The following CDH4 variants were observed in gnomAD, a reference collection of about 807,000 sequenced individuals.
The protein encoded by CDH4 is cadherin-4.
A neutral mutation model predicts 86.0 loss-of-function variants in CDH4; 33 were observed. The observed-to-expected ratio is 0.38, with a 90% confidence interval of 0.29 to 0.51. CDH4 has a LOEUF of 0.51. CDH4 is among the 20% of genes least tolerant of loss of function. The pLI is 0.86. For synonymous variants in CDH4, 555 were observed against 549.4 expected (o/e 1.01, Z -0.14); for missense variants, 1,114 against 1,307.4 (o/e 0.85, Z 2.28).
chr20:61,872,923 A>G (rs1033328490), intron 6 of CDH4, among the ~76,000 whole-genome samples: 2 of 152,142 alleles, frequency 1.3e-5, no homozygotes, highest in Non-Finnish European at 2.9e-5. Context: ...AGACCTGGAG[A>G]TGTCCTGAGG....
intron 14 of CDH4, among the ~76,000 whole-genome samples, chr20:61,933,341 G>A (rs187812319): frequency 2.2e-3 from 337 of 152,284 alleles, no homozygotes; most frequent in African/African-American, 6.7e-3. Flanking sequence ...TCCCATCCTC[G>A]CCTTCTTCCC....
At chr20:61,923,021 T>C (rs2122971066) in intron 9 of CDH4, among the ~76,000 whole-genome samples, 1 of 152,370 alleles carries the variant, frequency 6.6e-6, no homozygotes, top group Non-Finnish European at 1.5e-5. Context: ...ACATGTCTTT[T>C]GGGGGCCACC....
At chr20:61,808,854 C>A (rs367577159) in intron 4 of CDH4, among the ~76,000 whole-genome samples, 21 of 151,224 alleles carry the variant, frequency 1.4e-4, no homozygotes, top group Non-Finnish European at 2.5e-4. Flanking sequence ...TTTAAATCAA[C>A]TTCTTTTTTA....
chr20:61,354,635 G>A (rs1432098925), intron 2 of CDH4, among the ~76,000 whole-genome samples: 1 of 152,246 alleles, frequency 6.6e-6, no homozygotes, highest in Non-Finnish European at 1.5e-5. Context: ...GCACCTGCTG[G>A]GTTCCCTGTA....
rs1980425107 is a variant in CDH4 at position 61,811,339 on chromosome 20, A to G, written c.577-33329A>G. On this transcript the variant is annotated intron_variant, in intron 4 of 15. Transcript: ENST00000614565. The surrounding 1 kb of genome is among the most constrained non-coding windows in gnomAD (Gnocchi z 4.4). ...CGCCCTCATCGGGGGTGGGAATGAA[A>G]TGCCCCTTCCCGGCTTACACAGACA... 6.6e-6 allele frequency among the ~76,000 whole-genome samples: 1 copy of G among 152,212 alleles called. No homozygotes were observed. The highest frequency in any genetic ancestry group is 1.5e-5 in the Non-Finnish European group (1 of 68,046).
intron 3 of CDH4, 146 bp from the exon 4 acceptor site, chr20:61,772,857 G>C: frequency 1.9e-6 from 1 of 523,702 alleles, no homozygotes. Context: ...GCGTTATCCC[G>C]CCCTTCCCGC....
chr20:61,884,833 G>T lies in CDH4; in HGVS notation c.1051-10077G>T, dbSNP rs894355919. Among the ~76,000 whole-genome samples, 6 of 152,180 alleles carry T rather than the reference G, an allele frequency of 3.9e-5. No homozygotes were observed. The South Asian group carries it at 6.2e-4, about 16-fold the overall frequency. ...TGGAGGAAGGAGAGAGCCCTGGGGT[G>T]GGGGCGGGGAAGGCTTCCTGGAGAG... On this transcript the variant is annotated intron_variant, in intron 7 of 15. Coordinates refer to ENST00000614565, the MANE Select transcript of CDH4 (RefSeq NM_001794.5).
intron 2 of CDH4, among the ~76,000 whole-genome samples, chr20:61,293,187 C>G (rs774145836): frequency 2.6e-5 from 4 of 152,174 alleles, no homozygotes; most frequent in Non-Finnish European, 5.9e-5. Context: ...CCCACATGAA[C>G]GTAGTAGGAC....
chr20:61,341,020 G>A (rs564777042), intron 2 of CDH4, among the ~76,000 whole-genome samples: 1 of 152,322 alleles, frequency 6.6e-6, no homozygotes, highest in African/African-American at 2.4e-5. Flanking sequence ...CAGCAGCCTT[G>A]CCGTCCGCTA....
In CDH4 at chr20:61,422,424, C is replaced by CAAA. The variant is rs869235928; in HGVS notation, c.169+167528_169+167530dup. ...GGGCAATAAGAGCAAAACTCCGTCT[C>CAAA]AAAAAAAAAAAAAAAAAAAAAAAAA... On this transcript the variant is annotated intron_variant, in intron 2 of 15. Transcript: ENST00000614565. Among the ~76,000 whole-genome samples the CAAA allele has an allele frequency of 8.1e-3, 180 of 22,226 alleles. 31 individuals carry two copies. Among genetic ancestry groups the CAAA allele is most frequent in the Non-Finnish European group, 0.012 (150 of 12,266 alleles). The allele number at this position is 22,226 out of a possible 152,430, so 14.6% of individuals were successfully genotyped here.
At chr20:61,592,172 G>A (rs971883415) in intron 2 of CDH4, among the ~76,000 whole-genome samples, 6 of 152,210 alleles carry the variant, frequency 3.9e-5, no homozygotes, top group Non-Finnish European at 1.5e-5. Flanking sequence ...TTTGGTGTGA[G>A]TTTGTCTGTA....
intron 2 of CDH4, among the ~76,000 whole-genome samples, chr20:61,411,338 C>G (rs564213530): frequency 8.6e-4 from 128 of 148,542 alleles, no homozygotes; most frequent in South Asian, 2.5e-3. Context: ...CTGGGTTCAT[C>G]TAGTATGACT....
intron 2 of CDH4, among the ~76,000 whole-genome samples, chr20:61,261,025 C>T (rs930199839): frequency 8.5e-5 from 13 of 152,226 alleles, no homozygotes; most frequent in Admixed American, 6.5e-4. Context: ...AACACTGCCG[C>T]CCCGGGCTCT....
At chr20:61,505,679 G>A (rs2085735338) in intron 2 of CDH4, among the ~76,000 whole-genome samples, 1 of 143,138 alleles carries the variant, frequency 7.0e-6, no homozygotes, top group Non-Finnish European at 1.6e-5. Flanking sequence ...TTGACCCTGT[G>A]CTTGGCATCC....
rs1262927651 is a variant in CDH4 at position 61,653,465 on chromosome 20, C to T, written c.170-90098C>T. 3.8e-4 allele frequency among the ~76,000 whole-genome samples: 51 copies of T among 133,750 alleles called. 2 individuals carry two copies. The highest frequency in any genetic ancestry group is 7.7e-4 in the Non-Finnish European group (45 of 58,156). The allele number at this position is 133,750 out of a possible 152,430, so 87.7% of individuals were successfully genotyped here. A position where few individuals can be genotyped will look rare whatever the true frequency, so the allele number is the denominator to read the frequency against. ...TGAGCTGTTGGGTACACCTCCCAGA[C>T]GGGGTCGTGGCCGGGCAGAGGGGCT... On this transcript the variant is annotated intron_variant, in intron 2 of 15. Coordinates refer to ENST00000614565, the MANE Select transcript of CDH4 (RefSeq NM_001794.5).
At chr20:61,835,104 T>C (rs1203716662) in intron 4 of CDH4, among the ~76,000 whole-genome samples, 1 of 152,256 alleles carries the variant, frequency 6.6e-6, no homozygotes, top group Non-Finnish European at 1.5e-5. Flanking sequence ...TTTAGAGAGA[T>C]GTGGGCTCAC....
At chr20:61,367,051 A>G (rs928288687) in intron 2 of CDH4, among the ~76,000 whole-genome samples, 1 of 152,134 alleles carries the variant, frequency 6.6e-6, no homozygotes. Context: ...CATTGCTGAC[A>G]GAGAGCCATG....
intron 2 of CDH4, among the ~76,000 whole-genome samples, chr20:61,621,034 AGCGTTG>A (rs1221951179): frequency 2.5e-4 from 38 of 152,356 alleles, no homozygotes; most frequent in African/African-American, 8.7e-4. Context: ...TGTCCAAATA[AGCGTTG>A]GCATCTGTTT....
intron 2 of CDH4, among the ~76,000 whole-genome samples, chr20:61,343,960 A>G (rs547944117): frequency 1.3e-5 from 2 of 152,282 alleles, no homozygotes; most frequent in East Asian, 3.9e-4. Context: ...TCCCTGAGAA[A>G]CTGACTTCAC....
Sources: gnomAD v4.1 joint callset for allele counts (sites outside exome capture counted in the v4.1 genomes callset) on GRCh38, gnomAD v4.1.1 for gene constraint, Gnocchi (gnomAD v3.1) non-coding constraint, MANE v1.5 for transcripts, NCBI Gene and HGNC (gene_info 2026-07-23, HGNC 2026-07-21) for gene names.